Variants in SFTPA2 observed in about 807,000 individuals in gnomAD.
SFTPA2 encodes the protein surfactant protein A2, also known as pulmonary surfactant-associated protein A2.
In SFTPA2, 21 loss-of-function variants were observed where a neutral mutation model predicts 20.3. The ratio of observed to expected loss-of-function variants is 1.03; its 90% CI spans 0.73 to 1.49. The LOEUF is 1.49. SFTPA2 is among the 40% of genes most tolerant of loss of function. SFTPA2 has a pLI of 0.00. For synonymous variants in SFTPA2, 116 were observed against 118.7 expected (o/e 0.98, Z 0.15); for missense variants, 302 against 314.8 (o/e 0.96, Z 0.31).
intron 2 of SFTPA2, 180 bp downstream of exon 2, chr10:79,559,789 G>A (rs1859084321): frequency 6.9e-7 from 1 of 1,446,866 alleles, no homozygotes; most frequent in Admixed American, 2.7e-5. Context: ...CTCCAGTGCA[G>A]TCTCCTTTCT....
chr10:79,557,025 A>C lies in SFTPA2; in HGVS notation c.*184T>G. The C allele has an allele frequency of 9.7e-7, 1 of 1,030,466 alleles. No homozygotes were observed. Among genetic ancestry groups the C allele is most frequent in the Non-Finnish European group, 1.4e-6 (1 of 709,508 alleles). 63.8% of individuals were successfully genotyped at this position (1,030,466 alleles called of 1,614,324 possible). On this transcript the variant is annotated 3_prime_UTR_variant, in exon 6 of 6. Transcript: ENST00000372325. ...TGCAAGGGGAGTGTCAAGGCTGGTC[A>C]GTGATTATGGGGAAGAGTCAGGGCC... is the stretch of plus-strand genomic sequence containing the variant.
rs753110571 is a variant in SFTPA2, at chr10:79,558,052, C to A, written c.370G>T (p.Ala124Ser). ...FRHQILQTRG[A>S]LSLQGSIMTV... ...CGTGAGGCCCAGGGGGTCCCCTTAC[C>A]TCCCCTTGTCTGCAGGATTTGATGT... The change falls in exon 5 of 6, where the codon GCC becomes TCC. Residue 124 changes from alanine (A) to serine (S), a missense_variant and splice_region_variant. This residue lies in a region of SFTPA2 where 264 missense variants were observed against 261.7 expected (regional missense o/e 1.01). Coordinates refer to ENST00000372325, the MANE Select transcript of SFTPA2 (RefSeq NM_001098668.4). 2 of 1,614,094 alleles carry A rather than the reference C, an allele frequency of 1.2e-6. No individual in the cohort carries two copies. The highest frequency in any genetic ancestry group is 3.3e-5 in the Admixed American group (2 of 60,022).
chr10:79,559,226 G>A (rs1427714473), intron 3 of SFTPA2, 86 bp downstream of exon 3: 27 of 1,592,982 alleles, frequency 1.7e-5, no homozygotes, highest in Non-Finnish European at 2.1e-5. Flanking sequence ...GCTCACTATG[G>A]CCCACAGCCT....
Position 79,558,629 on chromosome 10 carries a change from G to A in SFTPA2, c.292+257C>T, listed in dbSNP as rs17883586. On this transcript the variant is annotated intron_variant, in intron 4 of 5. Transcript: ENST00000372325. ...CCCCTGCCTCCCAGTGCTGTCCCTCGTCCCACACCTGACTCAGTGTGTCCC... is the reference window on the plus strand; with the variant it reads ...CCCCTGCCTCCCAGTGCTGTCCCTCATCCCACACCTGACTCAGTGTGTCCC... Among the ~76,000 whole-genome samples, 941 of 152,138 alleles carry A rather than the reference G, an allele frequency of 6.2e-3. 11 individuals are homozygous for A. The highest frequency in any genetic ancestry group is 7.7e-3 in the Non-Finnish European group (523 of 67,998).
intron 5 of SFTPA2, 104 bp downstream of exon 5, chr10:79,557,948 G>A (rs1205141771): frequency 6.4e-7 from 1 of 1,556,230 alleles, no homozygotes; most frequent in Non-Finnish European, 8.9e-7. Context: ...CCCAACACCT[G>A]CATGTGCACG....
chr10:79,558,934 G>T lies in SFTPA2; in HGVS notation c.244C>A (p.Pro82Thr). The T allele has an allele frequency of 1.2e-6, 2 of 1,614,092 alleles. No individual in the cohort carries two copies. The highest frequency in any genetic ancestry group is 1.7e-6 in the Non-Finnish European group (2 of 1,180,012). Residue 82 changes from proline to threonine, a missense_variant, in exon 4 of 6, where the codon CCT becomes ACT. This residue lies in a region of SFTPA2 where 264 missense variants were observed against 261.7 expected (regional missense o/e 1.01). Coordinates refer to ENST00000372325, the MANE Select transcript of SFTPA2 (RefSeq NM_001098668.4). ...NNGLPGAPGV[P>T]GERGEKGEAG... The stretch of plus-strand genomic sequence containing the variant: ...TCCCCCTTCTCTCCACGCTCTCCAG[G>T]GACACCAGGGGCTCCAGGCAGCCCA...
At chr10:79,557,820 T>A (rs934195973) in intron 5 of SFTPA2, among the ~76,000 whole-genome samples, 6 of 152,358 alleles carry the variant, frequency 3.9e-5, no homozygotes, top group South Asian at 2.1e-4. Context: ...TTCCTAGGAT[T>A]CAGTGGAAAG....
Position 79,558,135 on chromosome 10 carries a change from G to T in SFTPA2, c.293-6C>A, listed in dbSNP as rs1213162425. The T allele has an allele frequency of 6.2e-7, 1 of 1,614,012 alleles. No individual in the cohort carries two copies. Among genetic ancestry groups the T allele is most frequent in the Non-Finnish European group, 8.5e-7 (1 of 1,179,978 alleles). On this transcript the variant is annotated splice_polypyrimidine_tract_variant and splice_region_variant and intron_variant, in intron 4 of 5. Coordinates refer to ENST00000372325, the MANE Select transcript of SFTPA2 (RefSeq NM_001098668.4). ...ATCTAGATGAGCTGGAAGCCCTGTG[G>T]AGAGTGCCCCACACAGAAGGAGGGG...
chr10:79,558,448 T>G (rs1044061732), intron 4 of SFTPA2, among the ~76,000 whole-genome samples: 20 of 152,232 alleles, frequency 1.3e-4, no homozygotes, highest in African/African-American at 4.6e-4. Flanking sequence ...AGGGCAAGCA[T>G]GATGCTCTCT....
chr10:79,558,526 A>G (rs545109475), intron 4 of SFTPA2, among the ~76,000 whole-genome samples: 1 of 152,044 alleles, frequency 6.6e-6, no homozygotes, highest in South Asian at 2.1e-4. Flanking sequence ...GGGGCTCCTG[A>G]TCACACCATC....
At position 79,559,415 on chromosome 10, in the gene SFTPA2, C is replaced by T. The variant is rs779122123; in HGVS notation, c.69G>A (p.Lys23=). The T allele has an allele frequency of 1.9e-6, 3 of 1,613,748 alleles. No homozygotes were observed. The highest frequency in any genetic ancestry group is 3.3e-5 in the Admixed American group (2 of 60,002). ...TACCAGGGCTTCCAACACAAACGTC[C>T]TTCACTTCGCACGCAGCACCAGAGG... ...MAASGAACEV[K]DVCVGSPGIP... is the part of the protein sequence containing the mutation. The change falls in exon 3 of 6, where the codon AAG becomes AAA. Residue 23 remains lysine, a synonymous_variant. Coordinates refer to ENST00000372325, the MANE Select transcript of SFTPA2 (RefSeq NM_001098668.4).
chr10:79,559,003 G>T lies in SFTPA2; in HGVS notation c.175C>A (p.Pro59Thr). 6.2e-7 allele frequency: 1 copy of T among 1,614,116 alleles called. No homozygotes were observed. Among genetic ancestry groups the T allele is most frequent in the African/African-American group, 1.3e-5 (1 of 75,008 alleles). Residue 59 changes from proline to threonine, a missense_variant and splice_region_variant, in exon 4 of 6, where the codon CCC (proline) becomes ACC (threonine). Transcript: ENST00000372325. Reference protein sequence around the residue: ...GVKGDPGPPGPMGPPGETPCP... With the variant: ...GVKGDPGPPGTMGPPGETPCP... ...GGTGTTTCTCCAGGCGGACCCATGGGGCCTGCAGAGAAAAGAGACATGGAT... is the reference window on the plus strand; with the variant it reads ...GGTGTTTCTCCAGGCGGACCCATGGTGCCTGCAGAGAAAAGAGACATGGAT...
At chr10:79,557,736 A>G (rs1259967563) in intron 5 of SFTPA2, 151 bp from the exon 6 acceptor site, 1 of 1,119,126 alleles carries the variant, frequency 8.9e-7, no homozygotes, top group Non-Finnish European at 1.3e-6. Flanking sequence ...CAGTTTTCTA[A>G]ATTCACTTTT....
chr10:79,558,082 A>G lies in SFTPA2; in HGVS notation c.340T>C (p.Phe114Leu). Residue 114 changes from phenylalanine (F) to leucine (L), a missense_variant, in exon 5 of 6, where the codon TTC (phenylalanine) becomes CTC (leucine). Physicochemically the swap from Phe to Leu is conservative, Grantham distance 22. This residue lies in a region of SFTPA2 where 264 missense variants were observed against 261.7 expected (regional missense o/e 1.01). Transcript: ENST00000372325. ...DEELQATLHD[F>L]RHQILQTRGA... ...CTTGTCTGCAGGATTTGATGTCTGA[A>G]GTCGTGGAGTGTGGCTTGGAGCTCC... 6.2e-7 allele frequency: 1 copy of G among 1,613,976 alleles called. No individual in the cohort carries two copies. Among genetic ancestry groups the G allele is most frequent in the Non-Finnish European group, 8.5e-7 (1 of 1,179,978 alleles).
intron 1 of SFTPA2, 70 bp from the exon 2 acceptor site, chr10:79,560,068 C>T: frequency 9.6e-7 from 1 of 1,037,822 alleles, no homozygotes; most frequent in Non-Finnish European, 1.2e-6. Context: ...GGGGTGATGA[C>T]CCTCTCACAG....
Position 79,556,331 on chromosome 10 carries a change from C to T in SFTPA2, c.*878G>A, listed in dbSNP as rs2132040164. 1 of 167,518 alleles carries T rather than the reference C, an allele frequency of 6.0e-6. No homozygotes were observed. Among genetic ancestry groups the T allele is most frequent in the African/African-American group, 2.4e-5 (1 of 41,620 alleles). The allele number at this position is 167,518 out of a possible 1,614,324, so 10.4% of individuals were successfully genotyped here. ...TACTGTGCCCACCCCAAGACACATCCTAAGACCTGGCACATGTTAATTTTA... is the reference window on the plus strand; with the variant it reads ...TACTGTGCCCACCCCAAGACACATCTTAAGACCTGGCACATGTTAATTTTA... On this transcript the variant is annotated 3_prime_UTR_variant, in exon 6 of 6. Transcript: ENST00000372325.
chr10:79,557,386 A>T lies in SFTPA2; in HGVS notation c.570T>A (p.Thr190=). 3.1e-6 allele frequency: 5 copies of T among 1,613,972 alleles called. No homozygotes were observed. The South Asian group carries it at 4.4e-5, about 14-fold the overall frequency. Residue 190 remains threonine (T), a synonymous_variant, in exon 6 of 6, where the codon ACT becomes ACA. Coordinates refer to ENST00000372325, the MANE Select transcript of SFTPA2 (RefSeq NM_001098668.4). ...GGAAGTCTCCAGGGCTGGGACCCTC[A>T]GTCAGGCCTACATAGGCATATGTGT... ...KYNTYAYVGL[T]EGPSPGDFRY...
In SFTPA2 at chr10:79,558,837, A is replaced by AG. The variant is rs199733516; in HGVS notation, c.292+48dup. ...CCATCACCCCTGTGTAACTGACTTC[A>AG]GGTCGCTGTGCCCATGTTTCCACTG... is the stretch of plus-strand genomic sequence containing the variant. On this transcript the variant is annotated intron_variant, in intron 4 of 5. Coordinates refer to ENST00000372325, the MANE Select transcript of SFTPA2 (RefSeq NM_001098668.4). 131,678 of 1,613,096 alleles carry AG rather than the reference A, an allele frequency of 0.082. 7,692 individuals are homozygous for AG. Among genetic ancestry groups the AG allele is most frequent in the African/African-American group, 0.26 (19,534 of 74,820 alleles).
Position 79,558,922 on chromosome 10 carries a change from C to A in SFTPA2, c.256G>T (p.Gly86Ter). 1 of 1,614,152 alleles carries A rather than the reference C, an allele frequency of 6.2e-7. No homozygotes were observed. Residue 86 changes from glycine (G) to a stop codon, truncating the protein, a stop_gained, in exon 4 of 6, where the codon GGA (glycine) becomes TGA (stop). Coordinates refer to ENST00000372325, the MANE Select transcript of SFTPA2 (RefSeq NM_001098668.4). LOFTEE classifies it high-confidence loss of function. ...CTCTCGCCAGCCTCCCCCTTCTCTCCACGCTCTCCAGGGACACCAGGGGCT... is the reference window on the plus strand; with the variant it reads ...CTCTCGCCAGCCTCCCCCTTCTCTCAACGCTCTCCAGGGACACCAGGGGCT... ...PGAPGVPGERGEKGEAGERGP... is the reference protein window; with the variant it reads ...PGAPGVPGER
Sources: allele counts gnomAD v4.1 joint callset (sites outside exome capture counted in the v4.1 genomes callset), GRCh38; gene constraint gnomAD v4.1.1; regional missense constraint gnomAD v4.1.1; transcripts MANE v1.5; gene names NCBI Gene and HGNC (gene_info 2026-07-23, HGNC 2026-07-21).